Variants in BLVRA observed in about 807,000 individuals in gnomAD.
BLVRA encodes the protein BVR A.
In BLVRA, 22 loss-of-function variants were observed where a neutral mutation model predicts 32.8. The observed-to-expected ratio is 0.67, with a 90% CI of 0.48 to 0.96. The LOEUF is 0.96. Among genes scored for constraint, BLVRA ranks in the 40% least tolerant of loss-of-function variants. The pLI is 0.00. For synonymous variants in BLVRA, 119 were observed against 141.3 expected (o/e 0.84, Z 1.12); for missense variants, 323 against 358.1 (o/e 0.90, Z 0.79).
At chr7:43,777,079 G>A (rs1162752293) in intron 2 of BLVRA, among the ~76,000 whole-genome samples, 3 of 150,316 alleles carry the variant, frequency 2.0e-5, no homozygotes, top group Non-Finnish European at 4.5e-5. Context: ...ACACTGATGG[G>A]TCTTGACTCT....
intron 2 of BLVRA, among the ~76,000 whole-genome samples, chr7:43,771,550 G>C (rs1255909686): frequency 6.6e-6 from 1 of 152,162 alleles, no homozygotes; most frequent in Non-Finnish European, 1.5e-5. Context: ...GAGATGTCTA[G>C]CTCCTTATCC....
At chr7:43,804,836 G>A (rs908241701) in intron 7 of BLVRA, among the ~76,000 whole-genome samples, 2 of 152,230 alleles carry the variant, frequency 1.3e-5, no homozygotes, top group African/African-American at 4.8e-5. Context: ...TTTGCAGAGA[G>A]GTGGGTCTCC....
intron 5 of BLVRA, among the ~76,000 whole-genome samples, chr7:43,794,896 G>T (rs1427534652): frequency 6.6e-6 from 1 of 152,156 alleles, no homozygotes. Flanking sequence ...ATGTGATTGA[G>T]TTAAGTTGTT....
chr7:43,778,449 TACAGCGGTGGCTGTAGA>T (rs1168378620), intron 2 of BLVRA, among the ~76,000 whole-genome samples: 6 of 152,162 alleles, frequency 3.9e-5, no homozygotes, highest in Non-Finnish European at 8.8e-5. Flanking sequence ...GTGGCTGCAG[TACAGCGGTGGCTGTAGA>T]ACAGCGGATT....
chr7:43,802,464 T>C (rs990300851), intron 6 of BLVRA, among the ~76,000 whole-genome samples: 1 of 152,124 alleles, frequency 6.6e-6, no homozygotes, highest in African/African-American at 2.4e-5. Flanking sequence ...CTTGACCAAA[T>C]GGATTTCTCA....
chr7:43,759,882 A>G (rs2095740297), intron 1 of BLVRA: 1 of 152,222 alleles, frequency 6.6e-6, no homozygotes, highest in African/African-American at 2.4e-5. Context: ...AAGTATCAGA[A>G]GGGAAATTCT....
chr7:43,774,930 ACT>A lies in BLVRA; in HGVS notation c.12+3765_12+3766del, dbSNP rs2095758981. On this transcript the variant is annotated intron_variant, in intron 2 of 7. Transcript: ENST00000265523. Reference sequence around the variant, plus strand: ...TGAATGGGAGTTCACTCATGATTTGACTCTCTGTTTGTCTGTTATTGGTGTAT... The same window carrying A: ...TGAATGGGAGTTCACTCATGATTTGACTCTGTTTGTCTGTTATTGGTGTAT... Among the ~76,000 whole-genome samples, 10 of 151,706 alleles carry A rather than the reference ACT, an allele frequency of 6.6e-5. No homozygotes were observed. In the South Asian group the frequency reaches 2.1e-3, roughly 32 times the overall value.
intron 3 of BLVRA, 57 bp from the exon 4 acceptor site, chr7:43,791,192 T>C: frequency 6.2e-7 from 1 of 1,609,688 alleles, no homozygotes; most frequent in Non-Finnish European, 8.5e-7. Context: ...GGGAGAAGGA[T>C]GGTGCTCCTT....
upstream of BLVRA, among the ~76,000 whole-genome samples, chr7:43,758,384 G>A (rs926303888): frequency 2.3e-4 from 35 of 152,042 alleles, 2 homozygotes. Flanking sequence ...CACACCGTGA[G>A]GGGGCCCAGC....
At chr7:43,801,637 GTT>G (rs2095798812) in intron 6 of BLVRA, among the ~76,000 whole-genome samples, 1 of 151,198 alleles carries the variant, frequency 6.6e-6, no homozygotes, top group Non-Finnish European at 1.5e-5. Flanking sequence ...AGTTAAGTAA[GTT>G]AAGTACAAGT....
chr7:43,788,849 G>T (rs982527752), intron 3 of BLVRA, among the ~76,000 whole-genome samples: 3 of 148,012 alleles, frequency 2.0e-5, no homozygotes. Context: ...ATGTTGCCTA[G>T]ACTGGTCTCA....
intron 2 of BLVRA, among the ~76,000 whole-genome samples, chr7:43,777,030 G>A (rs1427444197): frequency 7.3e-5 from 11 of 151,478 alleles, no homozygotes; most frequent in Non-Finnish European, 1.2e-4. Flanking sequence ...TTGAGCCTAT[G>A]TGTGTCTCTG....
At chr7:43,791,438 TA>T in intron 4 of BLVRA, 70 bp downstream of exon 4, 1 of 1,568,510 alleles carries the variant, frequency 6.4e-7, no homozygotes, top group Non-Finnish European at 8.8e-7. Flanking sequence ...GCAAGCAAGC[TA>T]AAACACCCTG....
intron 2 of BLVRA, among the ~76,000 whole-genome samples, chr7:43,781,424 G>A (rs534039887): frequency 6.6e-6 from 1 of 152,064 alleles, no homozygotes; most frequent in Non-Finnish European, 1.5e-5. Context: ...TCAGCTCACT[G>A]CAACCTCGGC....
chr7:43,804,441 G>GA (rs11306210), intron 7 of BLVRA, among the ~76,000 whole-genome samples: 2 of 151,666 alleles, frequency 1.3e-5, no homozygotes, highest in Non-Finnish European at 2.9e-5. Context: ...ACTCCTTCTT[G>GA]AAAAAAAAGA....
intron 2 of BLVRA, among the ~76,000 whole-genome samples, chr7:43,780,089 C>T (rs1475095262): frequency 3.9e-5 from 6 of 152,048 alleles, no homozygotes; most frequent in Admixed American, 3.9e-4. Context: ...CCAGGCTGGG[C>T]TTGAACCCCT....
intron 2 of BLVRA, among the ~76,000 whole-genome samples, chr7:43,777,930 CG>C (rs1303918721): frequency 4.5e-4 from 69 of 152,316 alleles, no homozygotes; most frequent in African/African-American, 1.6e-3. Flanking sequence ...TCCAGTTGAT[CG>C]CATTGGCTCC....
chr7:43,802,725 TC>T (rs1461598575), intron 6 of BLVRA, among the ~76,000 whole-genome samples: 1 of 152,098 alleles, frequency 6.6e-6, no homozygotes, highest in Non-Finnish European at 1.5e-5. Flanking sequence ...GGTCTTGAAC[TC>T]CTGGGCGCAA....
chr7:43,795,879 A>T (rs2095792191), intron 5 of BLVRA, among the ~76,000 whole-genome samples: 1 of 152,008 alleles, frequency 6.6e-6, no homozygotes, highest in Non-Finnish European at 1.5e-5. Context: ...GCCAAGGAGG[A>T]CAGATCACAA....
Sources: gnomAD v4.1 joint callset for allele counts (sites outside exome capture counted in the v4.1 genomes callset) on GRCh38, gnomAD v4.1.1 for gene constraint, MANE v1.5 for transcripts, NCBI Gene and HGNC (gene_info 2026-07-23, HGNC 2026-07-21) for gene names.